Variants in LPIN1 observed in about 807,000 individuals in gnomAD.
LPIN1 encodes lipin 1.
Under a neutral mutation model 107.5 loss-of-function variants are expected in LPIN1, and 71 were observed. The observed-to-expected ratio is 0.66, with a 90% CI of 0.55 to 0.80. The LOEUF is 0.80. Among genes scored for constraint, LPIN1 ranks in the 30% least tolerant of loss-of-function variants. The pLI, the probability that LPIN1 is intolerant of heterozygous loss-of-function variation, is 0.00. For synonymous variants in LPIN1, 445 were observed against 452.6 expected, an observed-to-expected ratio of 0.98 and a Z score of 0.21; for missense variants, 1,043 against 1,160.6, an observed-to-expected ratio of 0.90 and a Z score of 1.47.
At chr2:11,693,796 A>ATATATATATATATATG (rs1662397356) in intron 1 of LPIN1, among the ~76,000 whole-genome samples, 1 of 21,156 alleles carries the variant, frequency 4.7e-5, no homozygotes, top group African/African-American at 1.5e-4. Flanking sequence ...GTGTATATAT[A>ATATATATATATATATG]TATATATATA....
At chr2:11,728,143 T>C (rs1664844420) in intron 1 of LPIN1, among the ~76,000 whole-genome samples, 1 of 152,178 alleles carries the variant, frequency 6.6e-6, no homozygotes, top group South Asian at 2.1e-4. Flanking sequence ...TCCCATTTGG[T>C]TTTTAACATT....
At chr2:11,744,463 C>T (rs1347703549), upstream of LPIN1, among the ~76,000 whole-genome samples, 2 of 152,188 alleles carry the variant, frequency 1.3e-5, no homozygotes, top group African/African-American at 4.8e-5. Context: ...CTTGGCCTTC[C>T]CCGAGGTGGT....
intron 7 of LPIN1, among the ~76,000 whole-genome samples, chr2:11,780,653 T>C (rs1339400339): frequency 6.6e-6 from 1 of 152,172 alleles, no homozygotes; most frequent in East Asian, 1.9e-4. Context: ...AGCAGGTTAT[T>C]CTGGGTTTGA....
rs1681308550 is a variant in LPIN1 at position 11,820,403 on chromosome 2, A to G, written c.2518-8A>G. 1.9e-6 allele frequency: 3 copies of G among 1,558,134 alleles called. No homozygotes were observed. Among genetic ancestry groups the G allele is most frequent in the Admixed American group, 3.3e-5 (2 of 59,940 alleles). ...ATGAACACTTTAAATCACCTTTACC[A>G]AATATAGGATGTGTATTCATACAAG... On this transcript the variant is annotated splice_region_variant and splice_polypyrimidine_tract_variant and intron_variant, in intron 19 of 20. Coordinates refer to ENST00000674199, the MANE Select transcript of LPIN1 (RefSeq NM_001349206.2).
chr2:11,731,830 GT>G (rs58665647), intron 1 of LPIN1, among the ~76,000 whole-genome samples: 11 of 149,660 alleles, frequency 7.3e-5, no homozygotes, highest in South Asian at 4.3e-4. Context: ...GTGATGATGA[GT>G]TTTTTTTTTT....
At position 11,784,933 on chromosome 2, in the gene LPIN1, G is replaced by C. The variant is rs772350717; in HGVS notation, c.1406G>C (p.Arg469Pro). 2.5e-6 allele frequency: 4 copies of C among 1,613,844 alleles called. No individual in the cohort carries two copies. The Admixed American group carries it at 6.7e-5, about 27-fold the overall frequency. ...AAACATGCAAGCGACAACGGAGCCC[G>C]GTCAGCCAACCAGTCCCCGCAGTCG... ...LAKHASDNGA[R>P]SANQSPQSVG... Residue 469 changes from arginine (R) to proline (P), a missense_variant, in exon 10 of 21, where the codon CGG becomes CCG. Transcript: ENST00000674199.
At chr2:11,757,748 C>T (rs988085069) in intron 1 of LPIN1, among the ~76,000 whole-genome samples, 1 of 152,094 alleles carries the variant, frequency 6.6e-6, no homozygotes, top group African/African-American at 2.4e-5. Flanking sequence ...CAAATAGTAT[C>T]CTGGCTTCCT....
At chr2:11,798,892 G>A (rs17603755) in intron 14 of LPIN1, among the ~76,000 whole-genome samples, 16,776 of 152,150 alleles carry the variant, frequency 0.11, 1,006 homozygotes, top group Middle Eastern at 0.16. Context: ...AATTAAAATA[G>A]CGTTTGAAAA....
rs1665020392 is a variant in LPIN1, at chr2:11,729,884, A to ATGTG, written c.-72+5348_-72+5351dup. On this transcript the variant is annotated intron_variant, in intron 1 of 21. Transcript: ENST00000396097. The stretch of plus-strand genomic sequence containing the variant: ...ATAGAAAATGCCTCTGTGTGTGTGC[A>ATGTG]TGTGTGAGTGTGTGCTGATATTTAA... Among the ~76,000 whole-genome samples, 3 of 151,716 alleles carry ATGTG rather than the reference A, an allele frequency of 2.0e-5. No individual in the cohort carries two copies. The South Asian group carries it at 6.3e-4, about 32-fold the overall frequency.
chr2:11,730,887 T>C (rs1665122628), intron 1 of LPIN1, among the ~76,000 whole-genome samples: 1 of 152,194 alleles, frequency 6.6e-6, no homozygotes, highest in African/African-American at 2.4e-5. Flanking sequence ...TTTCTGCATG[T>C]CACTCTCCTG....
chr2:11,753,300 G>T (rs1379142901), intron 1 of LPIN1, among the ~76,000 whole-genome samples: 2 of 152,168 alleles, frequency 1.3e-5, no homozygotes, highest in Non-Finnish European at 1.5e-5. Flanking sequence ...CCTCTGACTT[G>T]CAGGGCCTCT....
intron 14 of LPIN1, among the ~76,000 whole-genome samples, chr2:11,795,963 A>G (rs369457137): frequency 6.8e-4 from 104 of 152,360 alleles, no homozygotes; most frequent in African/African-American, 2.3e-3. Context: ...AGGAGAGGTT[A>G]GATTTTGATG....
chr2:11,795,535 A>G (rs1366851181), intron 14 of LPIN1, 48 bp downstream of exon 14: 1 of 1,519,214 alleles, frequency 6.6e-7, no homozygotes. Context: ...TTCCGCATCC[A>G]AGTTCATGGC....
intron 1 of LPIN1, among the ~76,000 whole-genome samples, chr2:11,712,184 A>G (rs10164822): frequency 0.15 from 23,527 of 152,182 alleles, 2,024 homozygotes; most frequent in East Asian, 0.3. Flanking sequence ...CTACTCTGGA[A>G]TCATGAGGGG....
Position 11,824,998 on chromosome 2 carries a change from A to G in LPIN1, c.*207A>G. ...ATAGGAAGGGAGCACTTTCTAGGCTAGGAGTTGGGTGCATTTGTACCGTGA... is the reference window on the plus strand; with the variant it reads ...ATAGGAAGGGAGCACTTTCTAGGCTGGGAGTTGGGTGCATTTGTACCGTGA... On this transcript the variant is annotated 3_prime_UTR_variant, in exon 21 of 21. Transcript: ENST00000674199. 1.6e-6 allele frequency: 1 copy of G among 610,608 alleles called. No individual in the cohort carries two copies. Among genetic ancestry groups the G allele is most frequent in the African/African-American group, 1.8e-5 (1 of 54,254 alleles). 37.8% of individuals were successfully genotyped at this position (610,608 alleles called of 1,614,324 possible).
At chr2:11,805,564 T>C (rs1410058888) in intron 17 of LPIN1, 1 of 325,836 alleles carries the variant, frequency 3.1e-6, no homozygotes, top group Non-Finnish European at 6.0e-6. Flanking sequence ...TTGGCGGCGT[T>C]GCAGACCCTG....
upstream of LPIN1, among the ~76,000 whole-genome samples, chr2:11,743,692 C>T (rs56352405): frequency 0.04 from 6,127 of 152,238 alleles, 441 homozygotes; most frequent in African/African-American, 0.14. This position sits in a 1 kb window ranked among gnomAD's most constrained non-coding sequence, Gnocchi z 4.7. Flanking sequence ...TCATTGTCCT[C>T]TCTTTGGGAT....
chr2:11,812,955 G>A (rs192166889), intron 17 of LPIN1, among the ~76,000 whole-genome samples: 32 of 152,314 alleles, frequency 2.1e-4, no homozygotes, highest in Non-Finnish European at 4.3e-4. Flanking sequence ...GTGGCGTGGG[G>A]GCTGGGGGTA....
intron 1 of LPIN1, among the ~76,000 whole-genome samples, chr2:11,753,218 C>CTTTGGTGGT (rs1558805069): frequency 6.6e-6 from 1 of 152,088 alleles, no homozygotes; most frequent in Non-Finnish European, 1.5e-5. Context: ...GCTTTGGTGG[C>CTTTGGTGGT]GGGACCCCAG....
Sources: gnomAD v4.1 joint callset for allele counts (sites outside exome capture counted in the v4.1 genomes callset) on GRCh38, gnomAD v4.1.1 for gene constraint, Gnocchi (gnomAD v3.1) non-coding constraint, MANE v1.5 for transcripts, NCBI Gene and HGNC (gene_info 2026-07-23, HGNC 2026-07-21) for gene names.